Variants in JADE1 observed in about 807,000 individuals in gnomAD.
JADE1 encodes the protein protein Jade-1.
JADE1 carries 14 observed loss-of-function variants against 81.8 expected under a neutral mutation model. That is an observed-to-expected ratio of 0.17 (90% confidence interval 0.11 to 0.27). The LOEUF (loss-of-function observed/expected upper bound fraction) is 0.27, where lower values mean the gene tolerates loss of function less well. Among genes scored for constraint, JADE1 ranks in the 10% least tolerant of loss-of-function variants. JADE1 has a pLI of 1.00. For synonymous variants in JADE1, 353 were observed against 391.9 expected, an observed-to-expected ratio of 0.90 and a Z score of 1.17; for missense variants, 690 against 1,047.9, an observed-to-expected ratio of 0.66 and a Z score of 4.71.
At chr4:128,856,411 T>C (rs1009456381) in intron 7 of JADE1, among the ~76,000 whole-genome samples, 2 of 152,136 alleles carry the variant, frequency 1.3e-5, no homozygotes, top group African/African-American at 4.8e-5. Flanking sequence ...ACTCTCACTC[T>C]CAGGAGCAGA....
rs188423778 is a variant in JADE1, at chr4:128,856,229, A to G, written c.864+432A>G. ...TAGGCAGCATTGCAGCTATGAGTAA[A>G]AAGATACCTTTTAGTTGCTACCTTT... is the stretch of plus-strand genomic sequence containing the variant. On this transcript the variant is annotated intron_variant, in intron 7 of 10. Coordinates refer to ENST00000226319, the MANE Select transcript of JADE1 (RefSeq NM_199320.4). Among the ~76,000 whole-genome samples the G allele has an allele frequency of 7.6e-4, 116 of 152,284 alleles. No homozygotes were observed. The Middle Eastern group carries it at 0.031, about 40-fold the overall frequency.
At chr4:128,830,976 TG>T (rs1353323130) in intron 1 of JADE1, among the ~76,000 whole-genome samples, 1 of 152,290 alleles carries the variant, frequency 6.6e-6, no homozygotes, top group East Asian at 1.9e-4. Context: ...TGGCTGGATT[TG>T]GGTCTATTTG....
intron 8 of JADE1, among the ~76,000 whole-genome samples, chr4:128,858,991 C>T (rs1172144446): frequency 1.3e-5 from 2 of 152,094 alleles, no homozygotes; most frequent in African/African-American, 4.8e-5. Context: ...CAAAATATAA[C>T]AGAAATATTT....
chr4:128,828,696 G>A (rs537454316), intron 1 of JADE1, among the ~76,000 whole-genome samples: 3 of 152,242 alleles, frequency 2.0e-5, no homozygotes, highest in East Asian at 3.9e-4. Flanking sequence ...CAATGCTTGC[G>A]TTCTTTATTT....
At chr4:128,822,323 C>T (rs542325957) in intron 1 of JADE1, among the ~76,000 whole-genome samples, 1 of 152,170 alleles carries the variant, frequency 6.6e-6, no homozygotes, top group South Asian at 2.1e-4. Context: ...GCAGAGATCA[C>T]GCTCCTGCAC....
chr4:128,867,496 C>T (rs189693722), intron 9 of JADE1, among the ~76,000 whole-genome samples: 4 of 152,324 alleles, frequency 2.6e-5, no homozygotes, highest in East Asian at 1.9e-4. Context: ...TTAGCAAAGT[C>T]GACTGGCAAG....
chr4:128,851,605 A>G (rs1730362197), intron 5 of JADE1, among the ~76,000 whole-genome samples: 1 of 152,184 alleles, frequency 6.6e-6, no homozygotes, highest in South Asian at 2.1e-4. Context: ...TGTTTCTTAG[A>G]AGGATCTGAT....
chr4:128,867,853 T>C lies in JADE1; in HGVS notation c.1504-3T>C, dbSNP rs1413936363. ...CTTAGAATCTTTATTCTCTACATTC[T>C]AGGTTCGGAACCTCACTTACATGGT... On this transcript the variant is annotated splice_polypyrimidine_tract_variant and splice_region_variant and intron_variant, in intron 9 of 10. Coordinates refer to ENST00000226319, the MANE Select transcript of JADE1 (RefSeq NM_199320.4). 1 of 1,593,612 alleles carries C rather than the reference T, an allele frequency of 6.3e-7. No homozygotes were observed. The highest frequency in any genetic ancestry group is 1.1e-5 in the South Asian group (1 of 90,578).
rs1241612457 is a variant in JADE1, at chr4:128,873,353, ATAAGTT to A, written c.*1092_*1097del. On this transcript the variant is annotated 3_prime_UTR_variant, in exon 11 of 11. Transcript: ENST00000226319. ...ATATTTTAAAAACAATAGAAAGGCA[ATAAGTT>A]GCGATAAGCTCTTACTATTGACCAA... The A allele has an allele frequency of 6.5e-6, 1 of 152,816 alleles. No individual in the cohort carries two copies. Among genetic ancestry groups the A allele is most frequent in the Non-Finnish European group, 1.5e-5 (1 of 68,212 alleles). The allele number at this position is 152,816 out of a possible 1,614,324, so 9.5% of individuals were successfully genotyped here.
intron 7 of JADE1, 72 bp downstream of exon 7, chr4:128,855,869 A>G: frequency 7.3e-7 from 1 of 1,368,758 alleles, no homozygotes; most frequent in Non-Finnish European, 9.9e-7. Flanking sequence ...CCCAGGCTGG[A>G]GTGCAGTGAG....
intron 1 of JADE1, among the ~76,000 whole-genome samples, chr4:128,813,094 T>G (rs1230766655): frequency 6.6e-6 from 1 of 152,226 alleles, no homozygotes; most frequent in Non-Finnish European, 1.5e-5. Flanking sequence ...AGAGGGAAAT[T>G]ATTTCCCTGA....
chr4:128,853,719 T>A (rs1242939550), intron 6 of JADE1, among the ~76,000 whole-genome samples: 2 of 152,226 alleles, frequency 1.3e-5, no homozygotes, highest in African/African-American at 4.8e-5. Context: ...GAAAGACTTG[T>A]ATGGAATAGG....
rs779740596 is a variant in JADE1 at position 128,857,314 on chromosome 4, G to A, written c.865-24G>A. 3 of 1,585,316 alleles carry A rather than the reference G, an allele frequency of 1.9e-6. No individual in the cohort carries two copies. The Admixed American group carries it at 5.0e-5, about 26-fold the overall frequency. On this transcript the variant is annotated intron_variant, in intron 7 of 10. Transcript: ENST00000226319. ...AGCCTTTGACGACCTGAGCCACCCT[G>A]TCTTGCTGTTTTCCGACCTTTAGGT... is the stretch of plus-strand genomic sequence containing the variant.
Position 128,846,252 on chromosome 4 carries a change from G to T in JADE1, c.139-123G>T. Reference sequence around the variant, plus strand: ...GCAAAGTTTTTCTGTAATAGGTCAGGCTTGTTCTATGTTGATACAGTGACC... The same window carrying T: ...GCAAAGTTTTTCTGTAATAGGTCAGTCTTGTTCTATGTTGATACAGTGACC... On this transcript the variant is annotated intron_variant, in intron 3 of 10. Transcript: ENST00000226319. The surrounding 1 kb of genome is among the most constrained non-coding windows in gnomAD (Gnocchi z 4.0). 2.0e-6 allele frequency: 2 copies of T among 990,840 alleles called. No homozygotes were observed. Among genetic ancestry groups the T allele is most frequent in the Admixed American group, 2.0e-5 (1 of 49,448 alleles). The allele number at this position is 990,840 out of a possible 1,614,324, so 61.4% of individuals were successfully genotyped here.
intron 1 of JADE1, chr4:128,811,694 C>G (rs1351071808): frequency 1.4e-5 from 2 of 147,368 alleles, no homozygotes; most frequent in African/African-American, 4.9e-5. Flanking sequence ...CGCACAAAGC[C>G]CGCGGCGCGG....
In JADE1 at chr4:128,862,894, C is replaced by CTGTGTGTG. The variant is rs3069699; in HGVS notation, c.1503+682_1503+689dup. ...GTGAGGTGCTAAGTCATCACTGAGG[C>CTGTGTGTG]TGTGTGTGTGTGTGTGTGTGCGCGT... On this transcript the variant is annotated intron_variant, in intron 9 of 10. Coordinates refer to ENST00000226319, the MANE Select transcript of JADE1 (RefSeq NM_199320.4). The CTGTGTGTG allele has an allele frequency of 9.4e-5, 91 of 965,110 alleles. No individual in the cohort carries two copies. In the South Asian group the frequency reaches 1.2e-3, roughly 13 times the overall value. 59.8% of individuals were successfully genotyped at this position (965,110 alleles called of 1,614,324 possible).
At position 128,871,457 on chromosome 4, in the gene JADE1, A is replaced by C; in HGVS notation, c.1724A>C (p.His575Pro). 1.2e-6 allele frequency: 2 copies of C among 1,614,164 alleles called. No individual in the cohort carries two copies. Among genetic ancestry groups the C allele is most frequent in the African/African-American group, 1.3e-5 (1 of 75,054 alleles). Reference sequence around the variant, plus strand: ...CCCAAGATAGAGGACTTGAAGTGGCATTCTGCATTCTTCAGAAAACAAATG... The same window carrying C: ...CCCAAGATAGAGGACTTGAAGTGGCCTTCTGCATTCTTCAGAAAACAAATG... ...DAPKIEDLKW[H>P]SAFFRKQMGT... Residue 575 changes from histidine to proline, a missense_variant, in exon 11 of 11, where the codon CAT (histidine) becomes CCT (proline). This residue lies in a region of JADE1 where 86 missense variants were observed against 95.4 expected (regional missense o/e 0.90). Transcript: ENST00000226319. The surrounding 1 kb of genome is among the most constrained non-coding windows in gnomAD (Gnocchi z 4.1).
chr4:128,823,486 C>T (rs1727762902), intron 1 of JADE1, among the ~76,000 whole-genome samples: 1 of 152,036 alleles, frequency 6.6e-6, no homozygotes, highest in South Asian at 2.1e-4. Flanking sequence ...ATTATGTGGT[C>T]AGTTATCATA....
chr4:128,855,510 C>T (rs1730718776), intron 6 of JADE1, 120 bp from the exon 7 acceptor site: 1 of 1,072,932 alleles, frequency 9.3e-7, no homozygotes, highest in African/African-American at 1.6e-5. Flanking sequence ...GTGGGAGCGT[C>T]TCTGCTTTGG....
Sources: gnomAD v4.1 joint callset for allele counts (sites outside exome capture counted in the v4.1 genomes callset) on GRCh38, gnomAD v4.1.1 for gene constraint, gnomAD v4.1.1 regional missense constraint, Gnocchi (gnomAD v3.1) non-coding constraint, MANE v1.5 for transcripts, NCBI Gene and HGNC (gene_info 2026-07-23, HGNC 2026-07-21) for gene names.